GALNT5: variants seen among roughly 807,000 people sequenced by gnomAD.
GALNT5 encodes polypeptide N-acetylgalactosaminyltransferase 5.
Under a neutral mutation model 85.4 loss-of-function variants are expected in GALNT5, and 72 were observed. That is an observed-to-expected ratio of 0.84 (90% CI 0.70 to 1.03). The LOEUF (loss-of-function observed/expected upper bound fraction) is 1.03, where lower values mean the gene tolerates loss of function less well. Among genes scored for constraint, GALNT5 ranks in the 50% least tolerant of loss-of-function variants. GALNT5 has a pLI of 0.00. For missense variants in GALNT5, 1,137 were observed against 1,135.5 expected, an observed-to-expected ratio of 1.00 and a Z score of -0.02; for synonymous variants, 404 against 397.0, an observed-to-expected ratio of 1.02 and a Z score of -0.21.
At chr2:157,287,996 G>A (rs1558897927) in intron 3 of GALNT5, among the ~76,000 whole-genome samples, 1 of 152,198 alleles carries the variant, frequency 6.6e-6, no homozygotes, top group Non-Finnish European at 1.5e-5. Flanking sequence ...CATCTAGCCA[G>A]TGGTAAATCC....
chr2:157,297,337 A>G (rs138402750), intron 5 of GALNT5, among the ~76,000 whole-genome samples: 1 of 152,216 alleles, frequency 6.6e-6, no homozygotes, highest in Non-Finnish European at 1.5e-5. Flanking sequence ...AGGTTCTACC[A>G]TTTATTGAGC....
intron 1 of GALNT5, 136 bp downstream of exon 1, chr2:157,259,672 T>A: frequency 1.7e-6 from 1 of 598,118 alleles, no homozygotes; most frequent in Non-Finnish European, 2.6e-6. Context: ...TGGATATCAT[T>A]CAAATATTTC....
chr2:157,286,766 T>G (rs939945723), intron 3 of GALNT5, among the ~76,000 whole-genome samples: 1 of 152,146 alleles, frequency 6.6e-6, no homozygotes, highest in Non-Finnish European at 1.5e-5. Flanking sequence ...CCTCCCAAAG[T>G]GCTGGGATTA....
intron 1 of GALNT5, among the ~76,000 whole-genome samples, chr2:157,270,458 T>C (rs1682558172): frequency 6.6e-6 from 1 of 152,212 alleles, no homozygotes; most frequent in African/African-American, 2.4e-5. Flanking sequence ...CCCTAGCCTA[T>C]TACATTAACA....
chr2:157,259,323 T>C lies in GALNT5; in HGVS notation c.1241T>C (p.Leu414Ser), dbSNP rs1308657804. Residue 414 changes from leucine (L) to serine (S), a missense_variant, in exon 1 of 10, where the codon TTA becomes TCA. Coordinates refer to ENST00000259056, the MANE Select transcript of GALNT5 (RefSeq NM_014568.3). Reference sequence around the variant, plus strand: ...AACCAGAGTCATATAAAAGCCCTTTTACCTGAAGACAGTGGAACGCACCAG... The same window carrying C: ...AACCAGAGTCATATAAAAGCCCTTTCACCTGAAGACAGTGGAACGCACCAG... ...EYNQSHIKAL[L>S]PEDSGTHQVL... 1.1e-5 allele frequency: 18 copies of C among 1,581,386 alleles called. No homozygotes were observed. Among genetic ancestry groups the C allele is most frequent in the Non-Finnish European group, 1.5e-5 (18 of 1,166,816 alleles).
Position 157,313,809 on chromosome 2 carries a change from TA to T in GALNT5, c.*2464del, listed in dbSNP as rs1683632232. ...ACTTTACCCTGACAAACTTATTATA[TA>T]AAGCTATATTTAAATCTATATTGTC... On this transcript the variant is annotated 3_prime_UTR_variant, in exon 10 of 10. Coordinates refer to ENST00000259056, the MANE Select transcript of GALNT5 (RefSeq NM_014568.3). The T allele has an allele frequency of 6.6e-6, 1 of 152,228 alleles. No individual in the cohort carries two copies. Among genetic ancestry groups the T allele is most frequent in the African/African-American group, 2.4e-5 (1 of 41,468 alleles). 9.4% of individuals were successfully genotyped at this position (152,228 alleles called of 1,614,324 possible).
At chr2:157,269,084 G>T (rs1006827667) in intron 1 of GALNT5, among the ~76,000 whole-genome samples, 4 of 152,152 alleles carry the variant, frequency 2.6e-5, no homozygotes, top group African/African-American at 9.7e-5. Flanking sequence ...AGATGACATA[G>T]TGTCTGCCCA....
Position 157,312,688 on chromosome 2 carries a change from A to G in GALNT5, c.*1340A>G, listed in dbSNP as rs1683601500. On this transcript the variant is annotated 3_prime_UTR_variant, in exon 10 of 10. Transcript: ENST00000259056. ...GGATAAATTACCTAAAAATCTTAAA[A>G]CCCAGGCAAGTTAGTCAAAGAATCA... 6.6e-6 allele frequency: 1 copy of G among 152,090 alleles called. No homozygotes were observed. Among genetic ancestry groups the G allele is most frequent in the Admixed American group, 6.6e-5 (1 of 15,248 alleles). The allele number at this position is 152,090 out of a possible 1,614,324, so 9.4% of individuals were successfully genotyped here.
chr2:157,291,918 A>G lies in GALNT5; in HGVS notation c.1742-3745A>G, dbSNP rs139222901. ...ATGTTCCCAATACAGATAAATGATA[A>G]ATGTTTGAGGTGATTGATATGCTAA... On this transcript the variant is annotated intron_variant, in intron 3 of 9. Coordinates refer to ENST00000259056, the MANE Select transcript of GALNT5 (RefSeq NM_014568.3). 9.2e-3 allele frequency among the ~76,000 whole-genome samples: 1,401 copies of G among 152,238 alleles called. 10 individuals are homozygous for G. Among genetic ancestry groups the G allele is most frequent in the Middle Eastern group, 0.017 (5 of 294 alleles).
At chr2:157,271,240 A>G (rs1682577554) in intron 1 of GALNT5, among the ~76,000 whole-genome samples, 1 of 152,254 alleles carries the variant, frequency 6.6e-6, no homozygotes, top group Non-Finnish European at 1.5e-5. Context: ...AGTTAAGCAA[A>G]TAACAAAAGC....
At chr2:157,292,382 T>C (rs1683119916) in intron 3 of GALNT5, among the ~76,000 whole-genome samples, 1 of 152,176 alleles carries the variant, frequency 6.6e-6, no homozygotes, top group Non-Finnish European at 1.5e-5. Context: ...TAAAACAAAG[T>C]GTCTGAAAGT....
In GALNT5 at chr2:157,317,189, TA is replaced by T. The variant is rs1558909752; in HGVS notation, c.*5842del. Among the ~76,000 whole-genome samples the T allele has an allele frequency of 1.5e-3, 211 of 139,540 alleles. No homozygotes were observed. Among genetic ancestry groups the T allele is most frequent in the African/African-American group, 5.3e-3 (193 of 36,204 alleles). 91.5% of individuals were successfully genotyped at this position (139,540 alleles called of 152,430 possible). A position where few individuals can be genotyped will look rare whatever the true frequency, so the allele number is the denominator to read the frequency against. The stretch of plus-strand genomic sequence containing the variant: ...GTATGTGTGTGTATATATATATATA[TA>T]TATATATATTTTTTTTTTTGATGCT... On this transcript the variant is annotated 3_prime_UTR_variant, in exon 10 of 10. Coordinates refer to ENST00000259056, the MANE Select transcript of GALNT5 (RefSeq NM_014568.3).
chr2:157,302,669 A>G lies in GALNT5; in HGVS notation c.2439+1670A>G, dbSNP rs1335960077. ...CTCAGTCAGAGTAATAATAAGCTTT[A>G]ACCACCAGAGGGCACTAGAAAACTA... On this transcript the variant is annotated intron_variant, in intron 7 of 9. Transcript: ENST00000259056. 5 of 152,126 alleles carry G rather than the reference A, an allele frequency of 3.3e-5. No homozygotes were observed. The South Asian group carries it at 1.0e-3, about 32-fold the overall frequency. The allele number at this position is 152,126 out of a possible 1,614,324, so 9.4% of individuals were successfully genotyped here. A position where few individuals can be genotyped will look rare whatever the true frequency, so the allele number is the denominator to read the frequency against.
In GALNT5 at chr2:157,259,111, C is replaced by A; in HGVS notation, c.1029C>A (p.Thr343=). Residue 343 remains threonine, a synonymous_variant, in exon 1 of 10, where the codon ACC becomes ACA. Coordinates refer to ENST00000259056, the MANE Select transcript of GALNT5 (RefSeq NM_014568.3). ...ADPKEVSNSK[T]KTIFPKVLGK... ...CCAAAGAGGTCTCTAATTCTAAAAC[C>A]AAAACAATATTTCCTAAAGTATTGG... 6.8e-7 allele frequency: 1 copy of A among 1,471,642 alleles called. No individual in the cohort carries two copies. Among genetic ancestry groups the A allele is most frequent in the Non-Finnish European group, 9.0e-7 (1 of 1,109,072 alleles). The allele number at this position is 1,471,642 out of a possible 1,614,324, so 91.2% of individuals were successfully genotyped here.
At chr2:157,297,292 T>C (rs1683235342) in intron 5 of GALNT5, among the ~76,000 whole-genome samples, 1 of 152,176 alleles carries the variant, frequency 6.6e-6, no homozygotes, top group Admixed American at 6.5e-5. Context: ...CCAGGTGTGA[T>C]GCCTTCAGAA....
At chr2:157,283,850 TA>T (rs1175743917) in intron 1 of GALNT5, among the ~76,000 whole-genome samples, 2 of 152,208 alleles carry the variant, frequency 1.3e-5, no homozygotes, top group Non-Finnish European at 2.9e-5. Flanking sequence ...AACCATTTAT[TA>T]CCTCATTCTG....
intron 3 of GALNT5, among the ~76,000 whole-genome samples, chr2:157,292,669 A>G (rs927888171): frequency 1.3e-5 from 2 of 152,272 alleles, no homozygotes; most frequent in Middle Eastern, 3.4e-3. Context: ...AATGCTCTTT[A>G]AACTCTAGGT....
rs778248315 is a variant in GALNT5, at chr2:157,314,495, C to A, written c.*3147C>A. Among the ~76,000 whole-genome samples, 53 of 152,310 alleles carry A rather than the reference C, an allele frequency of 3.5e-4. No individual in the cohort carries two copies. The highest frequency in any genetic ancestry group is 9.8e-4 in the Admixed American group (15 of 15,296). ...TCAGCTGTCATTCACAGCAAACCAC[C>A]ATGTGCCATGATCACAATGTATTAT... On this transcript the variant is annotated 3_prime_UTR_variant, in exon 10 of 10. Transcript: ENST00000259056.
intron 7 of GALNT5, among the ~76,000 whole-genome samples, chr2:157,304,320 G>T (rs1001251787): frequency 1.3e-5 from 2 of 152,298 alleles, no homozygotes; most frequent in African/African-American, 4.8e-5. Context: ...GAGGATTTTT[G>T]ATAGAGATTC....
Sources: gnomAD v4.1 joint callset for allele counts (sites outside exome capture counted in the v4.1 genomes callset) on GRCh38, gnomAD v4.1.1 for gene constraint, MANE v1.5 for transcripts, NCBI Gene and HGNC (gene_info 2026-07-23, HGNC 2026-07-21) for gene names.